PRKD3: variants seen among roughly 807,000 people sequenced by gnomAD.
PRKD3 encodes the protein protein kinase D3, also known as serine/threonine-protein kinase D3.
Under a neutral mutation model 99.2 loss-of-function variants are expected in PRKD3, and 47 were observed. The ratio of observed to expected loss-of-function variants is 0.47; its 90% confidence interval spans 0.38 to 0.60. The LOEUF is 0.60. PRKD3 is among the 20% of genes least tolerant of loss of function. The pLI, the probability that PRKD3 is intolerant of heterozygous loss-of-function variation, is 0.00. For missense variants in PRKD3, 1,019 were observed against 1,088.4 expected, an observed-to-expected ratio of 0.94 and a Z score of 0.90; for synonymous variants, 392 against 355.4, an observed-to-expected ratio of 1.10 and a Z score of -1.16.
chr2:37,294,237 AG>A (rs990453154), intron 2 of PRKD3, among the ~76,000 whole-genome samples: 7 of 151,958 alleles, frequency 4.6e-5, no homozygotes, highest in African/African-American at 1.7e-4. Context: ...CTGGGACCAC[AG>A]GTGCATGTCA....
intron 2 of PRKD3, among the ~76,000 whole-genome samples, chr2:37,304,956 T>TA (rs1056839589): frequency 3.5e-5 from 5 of 142,686 alleles, no homozygotes; most frequent in African/African-American, 7.6e-5. Flanking sequence ...ATAGTAGAAT[T>TA]AAAAAAAAAT....
At chr2:37,323,416 T>C (rs1671967016) in intron 1 of PRKD3, among the ~76,000 whole-genome samples, 1 of 152,020 alleles carries the variant, frequency 6.6e-6, no homozygotes, top group Non-Finnish European at 1.5e-5. Context: ...ACTGTATTAC[T>C]ACCTACTGAA....
In PRKD3 at chr2:37,282,463, G is replaced by A. The variant is rs1454564729; in HGVS notation, c.988+79C>T. 6.4e-6 allele frequency: 6 copies of A among 932,642 alleles called. No homozygotes were observed. The Admixed American group carries it at 8.8e-5, about 14-fold the overall frequency. The allele number at this position is 932,642 out of a possible 1,614,324, so 57.8% of individuals were successfully genotyped here. ...AGAAACAAAATAAATCAGGAAAACA[G>A]AACCTTATCCAAAGATAATACACCA... is the stretch of plus-strand genomic sequence containing the variant. On this transcript the variant is annotated intron_variant, in intron 7 of 18. Transcript: ENST00000234179.
intron 14 of PRKD3, among the ~76,000 whole-genome samples, chr2:37,262,698 TA>T (rs1668558599): frequency 6.6e-6 from 1 of 152,158 alleles, no homozygotes; most frequent in African/African-American, 2.4e-5. Flanking sequence ...TGCCCTCCTT[TA>T]AAAACACGTG....
At chr2:37,257,230 A>G (rs1668023038) in intron 16 of PRKD3, among the ~76,000 whole-genome samples, 1 of 152,200 alleles carries the variant, frequency 6.6e-6, no homozygotes, top group Non-Finnish European at 1.5e-5. Context: ...CTTATGAAAT[A>G]GAGTATGCTG....
chr2:37,273,719 A>G (rs554245535), intron 11 of PRKD3, among the ~76,000 whole-genome samples: 1 of 152,348 alleles, frequency 6.6e-6, no homozygotes, highest in African/African-American at 2.4e-5. Flanking sequence ...AAAGTTGTTG[A>G]TACTTATTTC....
At chr2:37,291,750 T>C (rs1670438494) in intron 3 of PRKD3, among the ~76,000 whole-genome samples, 1 of 152,076 alleles carries the variant, frequency 6.6e-6, no homozygotes, top group African/African-American at 2.4e-5. Context: ...TGGGGACTAA[T>C]AAGGACAGAG....
At chr2:37,310,741 A>G (rs1044758938) in intron 2 of PRKD3, among the ~76,000 whole-genome samples, 1 of 152,224 alleles carries the variant, frequency 6.6e-6, no homozygotes, top group Non-Finnish European at 1.5e-5. Context: ...GGATGTGGCA[A>G]TGAAAGGGTG....
intron 1 of PRKD3, among the ~76,000 whole-genome samples, chr2:37,323,974 C>G (rs939500218): frequency 2.6e-5 from 4 of 152,174 alleles, no homozygotes; most frequent in Non-Finnish European, 5.9e-5. Context: ...ACGGCAAGGC[C>G]TATGCCTCTG....
intron 2 of PRKD3, among the ~76,000 whole-genome samples, chr2:37,295,047 T>A (rs1217683755): frequency 2.0e-5 from 3 of 152,100 alleles, no homozygotes; most frequent in Admixed American, 6.5e-5. Flanking sequence ...TGCACTCCAG[T>A]CTGGGTGACT....
At position 37,275,749 on chromosome 2, in the gene PRKD3, A is replaced by G; in HGVS notation, c.1374+18T>C. ...CACTATCTTAATGCTTATATTTTTT[A>G]AAGTGTAAAATCCTTACCTTATAAT... On this transcript the variant is annotated intron_variant, in intron 10 of 18. Transcript: ENST00000234179. 1.3e-6 allele frequency: 2 copies of G among 1,580,796 alleles called. No homozygotes were observed. Among genetic ancestry groups the G allele is most frequent in the Non-Finnish European group, 1.7e-6 (2 of 1,167,870 alleles).
Position 37,279,807 on chromosome 2 carries a change from A to T in PRKD3, c.1111T>A (p.Phe371Ile). Residue 371 changes from phenylalanine to isoleucine, a missense_variant, in exon 8 of 19, where the codon TTC becomes ATC. Around this residue, in one of 3 missense-constraint regions of PRKD3, gnomAD observed 710 missense variants for 692.7 expected, o/e 1.02. Coordinates refer to ENST00000234179, the MANE Select transcript of PRKD3 (RefSeq NM_005813.6). ...EEPSPPEDKM[F>I]FLDPSDLDVE... ...TCGAGATCAGATGGATCCAAGAAGA[A>T]CATCTTATCTTCTGGGGGTGATGGC... 1 of 1,613,958 alleles carries T rather than the reference A, an allele frequency of 6.2e-7. No individual in the cohort carries two copies. Among genetic ancestry groups the T allele is most frequent in the Non-Finnish European group, 8.5e-7 (1 of 1,179,964 alleles).
Position 37,286,167 on chromosome 2 carries a change from C to A in PRKD3, c.910+10G>T. The A allele has an allele frequency of 6.3e-7, 1 of 1,584,848 alleles. No individual in the cohort carries two copies. Among genetic ancestry groups the A allele is most frequent in the Non-Finnish European group, 8.6e-7 (1 of 1,161,354 alleles). ...CATAAATTTTAATTAGGGAAAACAC[C>A]TAATCCTACCTTTACACTGCATTCC... On this transcript the variant is annotated intron_variant, in intron 6 of 18. Coordinates refer to ENST00000234179, the MANE Select transcript of PRKD3 (RefSeq NM_005813.6).
intron 1 of PRKD3, among the ~76,000 whole-genome samples, chr2:37,321,260 T>C (rs1671872273): frequency 6.6e-6 from 1 of 152,200 alleles, no homozygotes; most frequent in African/African-American, 2.4e-5. Flanking sequence ...CAAATATTCT[T>C]TTGGGGAGCT....
At chr2:37,271,465 C>T (rs1669259144) in intron 12 of PRKD3, among the ~76,000 whole-genome samples, 1 of 152,178 alleles carries the variant, frequency 6.6e-6, no homozygotes, top group Non-Finnish European at 1.5e-5. Flanking sequence ...GCTTTCTTGT[C>T]ACAACCACAT....
At chr2:37,307,732 A>G (rs561275794) in intron 2 of PRKD3, among the ~76,000 whole-genome samples, 1 of 152,346 alleles carries the variant, frequency 6.6e-6, no homozygotes, top group South Asian at 2.1e-4. Context: ...AACAACAACA[A>G]CAACAGTAAA....
Position 37,286,287 on chromosome 2 carries a change from C to A in PRKD3, c.800G>T (p.Arg267Ile). 6.2e-7 allele frequency: 1 copy of A among 1,614,100 alleles called. No homozygotes were observed. The highest frequency in any genetic ancestry group is 8.5e-7 in the Non-Finnish European group (1 of 1,179,964). Reference sequence around the variant, plus strand: ...AGCAAATGTGTGTGGAACTTTCACTCTGCACATTACCATCTTTTCCATCCA... The same window carrying A: ...AGCAAATGTGTGTGGAACTTTCACTATGCACATTACCATCTTTTCCATCCA... Reference protein sequence around the residue: ...PIWMEKMVMCRVKVPHTFAVH... With the variant: ...PIWMEKMVMCIVKVPHTFAVH... Residue 267 changes from arginine to isoleucine, a missense_variant, in exon 6 of 19, where the codon AGA (arginine) becomes ATA (isoleucine). By Grantham distance (97) the Arg-to-Ile change is moderately conservative. This residue lies in a region of PRKD3 where 710 missense variants were observed against 692.7 expected (regional missense o/e 1.02). Transcript: ENST00000234179.
At chr2:37,286,969 G>A (rs1190300248) in intron 5 of PRKD3, among the ~76,000 whole-genome samples, 1 of 151,902 alleles carries the variant, frequency 6.6e-6, no homozygotes, top group African/African-American at 2.4e-5. Flanking sequence ...GGTGGCTCAC[G>A]CCTGTAATCC....
At chr2:37,321,311 T>C (rs1671874093) in intron 1 of PRKD3, among the ~76,000 whole-genome samples, 1 of 152,168 alleles carries the variant, frequency 6.6e-6, no homozygotes, top group Non-Finnish European at 1.5e-5. Flanking sequence ...ACATAATCTG[T>C]CATCATTGTT....
Sources: allele counts gnomAD v4.1 joint callset (sites outside exome capture counted in the v4.1 genomes callset), GRCh38; gene constraint gnomAD v4.1.1; regional missense constraint gnomAD v4.1.1; transcripts MANE v1.5; gene names NCBI Gene and HGNC (gene_info 2026-07-23, HGNC 2026-07-21).